AKAP12: variants seen among roughly 807,000 people sequenced by gnomAD.
AKAP12 encodes A-kinase anchoring protein 12, also known as A-kinase anchor protein 12.
A neutral mutation model predicts 79.9 loss-of-function variants in AKAP12; 32 were observed. That is an observed-to-expected ratio of 0.40 (90% CI 0.30 to 0.54). The LOEUF is 0.54. AKAP12 is among the 20% of genes least tolerant of loss of function. The probability of loss-of-function intolerance (pLI) is 0.48; values close to 1 mark genes in which losing one functional copy is unlikely to be tolerated. For missense variants in AKAP12, 2,074 were observed against 2,177.0 expected (o/e 0.95, Z 0.94); for synonymous variants, 808 against 857.0 (o/e 0.94, Z 1.00).
At chr6:151,337,035 CTTG>C (rs1777831620) in intron 3 of AKAP12, among the ~76,000 whole-genome samples, 1 of 151,928 alleles carries the variant, frequency 6.6e-6, no homozygotes, top group South Asian at 2.1e-4. Flanking sequence ...AAGTCGTTTT[CTTG>C]TTGTTTAATA....
At chr6:151,317,961 G>A (rs1217141988) in intron 3 of AKAP12, among the ~76,000 whole-genome samples, 6 of 152,218 alleles carry the variant, frequency 3.9e-5, no homozygotes, top group Non-Finnish European at 8.8e-5. Context: ...GCAGAGCCAA[G>A]GTTTGCTCTC....
rs1254515309 is a variant in AKAP12 at position 151,261,842 on chromosome 6, C to T, written c.162+21118C>T. On this transcript the variant is annotated intron_variant, in intron 2 of 4. Coordinates refer to ENST00000402676, the MANE Select transcript of AKAP12 (RefSeq NM_005100.4). ...GCGTGAGCTCGGCTCACTGCAACCT[C>T]CTGTTAAGATAGCAATTTAGCCTGT... Among the ~76,000 whole-genome samples, 13 of 151,530 alleles carry T rather than the reference C, an allele frequency of 8.6e-5. No homozygotes were observed. In the East Asian group the frequency reaches 2.6e-3, roughly 30 times the overall value.
At chr6:151,318,227 A>G (rs1582877220) in intron 3 of AKAP12, among the ~76,000 whole-genome samples, 1 of 152,186 alleles carries the variant, frequency 6.6e-6, no homozygotes. Flanking sequence ...CCAGATCCCA[A>G]CCACACTGGC....
intron 2 of AKAP12, among the ~76,000 whole-genome samples, chr6:151,295,671 A>G (rs144813965): frequency 6.4e-4 from 97 of 152,382 alleles, no homozygotes; most frequent in African/African-American, 2.3e-3. Flanking sequence ...ACAGCATGAC[A>G]AAGCTGGTCT....
intron 3 of AKAP12, among the ~76,000 whole-genome samples, chr6:151,318,346 G>A (rs1777281212): frequency 6.6e-6 from 1 of 152,164 alleles, no homozygotes; most frequent in African/African-American, 2.4e-5. Flanking sequence ...AATGGACTAG[G>A]ACAATGAACA....
chr6:151,300,393 G>A (rs1313385198), intron 2 of AKAP12, among the ~76,000 whole-genome samples: 5 of 152,234 alleles, frequency 3.3e-5, no homozygotes, highest in East Asian at 1.9e-4. Flanking sequence ...ACTTGCACCC[G>A]GTCGTCCAAT....
At position 151,333,681 on chromosome 6, in the gene AKAP12, T is replaced by A. The variant is rs116862158; in HGVS notation, c.320-15030T>A. Among the ~76,000 whole-genome samples, 35 of 148,454 alleles carry A rather than the reference T, an allele frequency of 2.4e-4. No homozygotes were observed. The East Asian group carries it at 6.0e-3, about 25-fold the overall frequency. ...TTGCTTGAACCCGGGAGGTGGAGGC[T>A]GCAGTCGAGATCGCACCACTGCACT... is the stretch of plus-strand genomic sequence containing the variant. On this transcript the variant is annotated intron_variant, in intron 3 of 4. Transcript: ENST00000402676.
rs562566191 is a variant in AKAP12, at chr6:151,275,600, C to CT, written c.163-30140dup. Among the ~76,000 whole-genome samples the CT allele has an allele frequency of 1.1e-4, 16 of 152,200 alleles. No individual in the cohort carries two copies. In the East Asian group the frequency reaches 2.7e-3, roughly 26 times the overall value. On this transcript the variant is annotated intron_variant, in intron 2 of 4. Coordinates refer to ENST00000402676, the MANE Select transcript of AKAP12 (RefSeq NM_005100.4). ...GACATTTGGGTGAATCATTGACAGT[C>CT]TTTTTTTATCAGAATACTTTAATAC...
intron 3 of AKAP12, among the ~76,000 whole-genome samples, chr6:151,342,269 C>A (rs1160642617): frequency 6.6e-6 from 1 of 152,238 alleles, no homozygotes; most frequent in Non-Finnish European, 1.5e-5. Flanking sequence ...AGTGATGGGG[C>A]AGGCTGGAAA....
rs151229584 is a variant in AKAP12, at chr6:151,353,033, A to G, written c.4642A>G (p.Lys1548Glu). The change falls in exon 4 of 5, where the codon AAA becomes GAA. Residue 1548 changes from lysine to glutamate, a missense_variant. By Grantham distance (56) the Lys-to-Glu change is moderately conservative. Around this residue, in one of 3 missense-constraint regions of AKAP12, gnomAD observed 614 missense variants for 665.6 expected, o/e 0.92. Transcript: ENST00000402676. ...TTTGGAACTTGAGACCAAAAGCAGT[A>G]AACTTGTCCAAAACATCATCCAGAC... is the stretch of plus-strand genomic sequence containing the variant. ...GILELETKSSKLVQNIIQTAV... is the reference protein window; with the variant it reads ...GILELETKSSELVQNIIQTAV... The G allele has an allele frequency of 2.1e-5, 34 of 1,614,118 alleles. No homozygotes were observed. The highest frequency in any genetic ancestry group is 2.8e-5 in the Non-Finnish European group (33 of 1,180,046).
intron 2 of AKAP12, among the ~76,000 whole-genome samples, chr6:151,290,862 G>A (rs946349151): frequency 6.6e-6 from 1 of 152,200 alleles, no homozygotes; most frequent in South Asian, 2.1e-4. Flanking sequence ...CGCCCGCCTC[G>A]GCCTACCGAA....
intron 2 of AKAP12, among the ~76,000 whole-genome samples, chr6:151,287,681 A>G (rs1776533089): frequency 6.6e-6 from 1 of 152,194 alleles, no homozygotes; most frequent in Non-Finnish European, 1.5e-5. Context: ...CTAGAACCAG[A>G]AATACCATTT....
At chr6:151,275,112 A>T (rs1448477633) in intron 2 of AKAP12, among the ~76,000 whole-genome samples, 2 of 151,744 alleles carry the variant, frequency 1.3e-5, no homozygotes, top group African/African-American at 2.4e-5. Context: ...TCAAAAAAAA[A>T]ATTTTTTTTT....
At chr6:151,278,338 C>T (rs970373568) in intron 2 of AKAP12, among the ~76,000 whole-genome samples, 1 of 152,120 alleles carries the variant, frequency 6.6e-6, no homozygotes, top group Non-Finnish European at 1.5e-5. Flanking sequence ...GCCTTAGCCT[C>T]CCAAGTAGCT....
At chr6:151,325,768 C>G (rs921448454) in intron 3 of AKAP12, 2 of 1,606,214 alleles carry the variant, frequency 1.2e-6, no homozygotes, top group Non-Finnish European at 1.7e-6. Context: ...CCCGCCGAAA[C>G]CACCTGCGGT....
In AKAP12 at chr6:151,352,632, G is replaced by T; in HGVS notation, c.4241G>T (p.Ser1414Ile). 6.2e-7 allele frequency: 1 copy of T among 1,614,174 alleles called. No homozygotes were observed. Among genetic ancestry groups the T allele is most frequent in the Non-Finnish European group, 8.5e-7 (1 of 1,180,024 alleles). Residue 1414 changes from serine to isoleucine, a missense_variant, in exon 4 of 5, where the codon AGC (serine) becomes ATC (isoleucine). This residue lies in a region of AKAP12 where 614 missense variants were observed against 665.6 expected (regional missense o/e 0.92). Transcript: ENST00000402676. Reference protein sequence around the residue: ...EAVCTKIQVQSSEASFTLTAA... With the variant: ...EAVCTKIQVQISEASFTLTAA... ...GTATGCACCAAAATTCAAGTTCAGA[G>T]CTCTGAGGCATCATTCACTCTAACA...
At chr6:151,342,416 C>T (rs1777976236) in intron 3 of AKAP12, among the ~76,000 whole-genome samples, 1 of 152,268 alleles carries the variant, frequency 6.6e-6, no homozygotes, top group Non-Finnish European at 1.5e-5. Context: ...AGACTATTCT[C>T]TAGGCCCTAA....
At chr6:151,299,173 C>T (rs1776802689) in intron 2 of AKAP12, among the ~76,000 whole-genome samples, 1 of 152,176 alleles carries the variant, frequency 6.6e-6, no homozygotes, top group Non-Finnish European at 1.5e-5. Context: ...TGATGAATGG[C>T]TTAGCTGAGG....
chr6:151,287,523 A>G (rs193082766), intron 2 of AKAP12, among the ~76,000 whole-genome samples: 73 of 152,292 alleles, frequency 4.8e-4, no homozygotes, highest in African/African-American at 1.0e-3. Flanking sequence ...GGCCTTGGAA[A>G]GTGCTAGGAT....
Sources: allele counts gnomAD v4.1 joint callset (sites outside exome capture counted in the v4.1 genomes callset), GRCh38; gene constraint gnomAD v4.1.1; regional missense constraint gnomAD v4.1.1; transcripts MANE v1.5; gene names NCBI Gene and HGNC (gene_info 2026-07-23, HGNC 2026-07-21).